PTPN14: variants seen among roughly 807,000 people sequenced by gnomAD.
PTPN14 encodes the protein tyrosine-protein phosphatase non-receptor type 14.
PTPN14 carries 53 observed loss-of-function variants against 126.8 expected under a neutral mutation model. The observed-to-expected ratio is 0.42, with a 90% CI of 0.34 to 0.53. The LOEUF is 0.53. PTPN14 is among the 20% of genes least tolerant of loss of function. The pLI is 0.08. For missense variants in PTPN14, 1,257 were observed against 1,552.9 expected, an observed-to-expected ratio of 0.81 and a Z score of 3.20; for synonymous variants, 630 against 599.3, an observed-to-expected ratio of 1.05 and a Z score of -0.75.
In PTPN14 at chr1:214,411,702, C is replaced by T; in HGVS notation, c.492G>A (p.Glu164=). 1 of 1,509,612 alleles carries T rather than the reference C, an allele frequency of 6.6e-7. No homozygotes were observed. The highest frequency in any genetic ancestry group is 9.1e-7 in the Non-Finnish European group (1 of 1,094,364). The allele number at this position is 1,509,612 out of a possible 1,614,324, so 93.5% of individuals were successfully genotyped here. Residue 164 remains glutamate, a synonymous_variant, in exon 5 of 19, where the codon GAG becomes GAA. Coordinates refer to ENST00000366956, the MANE Select transcript of PTPN14 (RefSeq NM_005401.5). ...NQFDSQDFLR[E]YVLFPMDLAL... ...CACTTACCATAGGAAATAGCACATA[C>T]TCTCTGAGGAAATCTTGAGAATCAA...
chr1:214,430,097 AT>A (rs1659765089), intron 3 of PTPN14, among the ~76,000 whole-genome samples: 1 of 152,176 alleles, frequency 6.6e-6, no homozygotes, highest in Non-Finnish European at 1.5e-5. Flanking sequence ...CTGTGCTACG[AT>A]TATTTGCTTC....
At chr1:214,404,413 T>C (rs1219751840) in intron 5 of PTPN14, among the ~76,000 whole-genome samples, 1 of 152,216 alleles carries the variant, frequency 6.6e-6, no homozygotes, top group African/African-American at 2.4e-5. Context: ...TTTAGTTTCA[T>C]GTTGTGGAGT....
chr1:214,397,396 G>T (rs140526544), intron 8 of PTPN14, among the ~76,000 whole-genome samples: 1 of 152,120 alleles, frequency 6.6e-6, no homozygotes, highest in Non-Finnish European at 1.5e-5. Flanking sequence ...TGAAATGCAG[G>T]GGGGAGATGG....
chr1:214,472,364 C>T (rs945798488), intron 1 of PTPN14, among the ~76,000 whole-genome samples: 2 of 152,144 alleles, frequency 1.3e-5, no homozygotes, highest in African/African-American at 4.8e-5. Flanking sequence ...CCTTCACCTT[C>T]CACCATGATT....
intron 10 of PTPN14, among the ~76,000 whole-genome samples, chr1:214,392,408 A>G (rs1193774156): frequency 6.6e-6 from 1 of 152,124 alleles, no homozygotes; most frequent in African/African-American, 2.4e-5. Flanking sequence ...GAAAATAAAC[A>G]CTCCGTAAAT....
Position 214,448,391 on chromosome 1 carries a change from G to A in PTPN14, c.344+3414C>T, listed in dbSNP as rs543502620. ...GACTACAGGTGCCCCCAACCAAGCC[G>A]GGCTAATTTTTTTTTTTTTTTTTTG... On this transcript the variant is annotated intron_variant, in intron 3 of 18. Transcript: ENST00000366956. 2.4e-5 allele frequency among the ~76,000 whole-genome samples: 3 copies of A among 124,834 alleles called. No homozygotes were observed. In the East Asian group the frequency reaches 7.4e-4, roughly 31 times the overall value. 81.9% of individuals were successfully genotyped at this position (124,834 alleles called of 152,430 possible). A position where few individuals can be genotyped will look rare whatever the true frequency, so the allele number is the denominator to read the frequency against.
chr1:214,453,188 T>C (rs984469476), intron 2 of PTPN14, among the ~76,000 whole-genome samples: 2 of 152,246 alleles, frequency 1.3e-5, no homozygotes, highest in African/African-American at 4.8e-5. Context: ...ATCAGAAATC[T>C]ATGCATTTCT....
At chr1:214,394,324 T>C (rs1283980057) in intron 9 of PTPN14, among the ~76,000 whole-genome samples, 1 of 152,192 alleles carries the variant, frequency 6.6e-6, no homozygotes, top group Admixed American at 6.5e-5. Flanking sequence ...CACCAGACAA[T>C]GTGATCCATC....
intron 2 of PTPN14, among the ~76,000 whole-genome samples, chr1:214,458,038 T>G (rs1218525374): frequency 0.012 from 1,697 of 146,192 alleles, 33 homozygotes; most frequent in African/African-American, 0.042. Context: ...TATCTATACC[T>G]AGAGAGAGAG....
At chr1:214,393,832 T>C (rs928718468) in intron 9 of PTPN14, 55 bp from the exon 10 acceptor site, 2 of 1,384,848 alleles carry the variant, frequency 1.4e-6, no homozygotes, top group African/African-American at 2.9e-5. Flanking sequence ...TAGTTATACA[T>C]TTCATTAAGA....
At position 214,403,886 on chromosome 1, in the gene PTPN14, A is replaced by G. The variant is rs562143248; in HGVS notation, c.511-933T>C. ...CAGCAGGTCCCACATATTCCAGGCTAGTAAGCACCAAGAGGGTCACAGATG... is the reference window on the plus strand; with the variant it reads ...CAGCAGGTCCCACATATTCCAGGCTGGTAAGCACCAAGAGGGTCACAGATG... On this transcript the variant is annotated intron_variant, in intron 5 of 18. Coordinates refer to ENST00000366956, the MANE Select transcript of PTPN14 (RefSeq NM_005401.5). 2.6e-5 allele frequency among the ~76,000 whole-genome samples: 4 copies of G among 152,306 alleles called. No homozygotes were observed. In the South Asian group the frequency reaches 8.3e-4, roughly 32 times the overall value.
At chr1:214,475,873 T>C (rs1218202807) in intron 1 of PTPN14, among the ~76,000 whole-genome samples, 1 of 152,150 alleles carries the variant, frequency 6.6e-6, no homozygotes, top group African/African-American at 2.4e-5. Flanking sequence ...CAGAGCTCCA[T>C]CTGAACCCAT....
At chr1:214,403,011 T>G (rs55788513) in intron 5 of PTPN14, 58 bp from the exon 6 acceptor site, 95 of 1,552,184 alleles carry the variant, frequency 6.1e-5, no homozygotes, top group Admixed American at 8.4e-5. Context: ...GCTATTTTGC[T>G]TGCAAATCTT....
intron 1 of PTPN14, chr1:214,532,706 C>T: frequency 1.3e-6 from 1 of 794,496 alleles, no homozygotes. Flanking sequence ...TCTCAGGCGC[C>T]AGTCTGTGGA....
intron 2 of PTPN14, among the ~76,000 whole-genome samples, chr1:214,461,920 G>A (rs909919490): frequency 2.0e-5 from 3 of 152,178 alleles, no homozygotes; most frequent in African/African-American, 7.2e-5. Flanking sequence ...TTCAAGGTAT[G>A]AGGAGCAGAC....
intron 1 of PTPN14, among the ~76,000 whole-genome samples, chr1:214,513,507 T>A (rs1655026509): frequency 6.6e-6 from 1 of 152,130 alleles, no homozygotes; most frequent in African/African-American, 2.4e-5. Context: ...ATCTAGGACT[T>A]AACTGACTAC....
At chr1:214,413,816 G>A (rs1659363123) in intron 4 of PTPN14, among the ~76,000 whole-genome samples, 1 of 152,094 alleles carries the variant, frequency 6.6e-6, no homozygotes, top group Non-Finnish European at 1.5e-5. Context: ...TTACAGGCGT[G>A]TGCCACCATG....
intron 1 of PTPN14, among the ~76,000 whole-genome samples, chr1:214,527,787 C>A (rs767135671): frequency 4.6e-5 from 7 of 152,178 alleles, no homozygotes; most frequent in Non-Finnish European, 1.0e-4. Context: ...GTAAGCTGAA[C>A]TTGCAGCCTA....
chr1:214,480,167 CA>C (rs1455363622), intron 1 of PTPN14, among the ~76,000 whole-genome samples: 2 of 152,156 alleles, frequency 1.3e-5, no homozygotes, highest in African/African-American at 4.8e-5. Flanking sequence ...ATAGATTCTT[CA>C]AGACTGTTAT....
Sources: allele counts gnomAD v4.1 joint callset (sites outside exome capture counted in the v4.1 genomes callset), GRCh38; gene constraint gnomAD v4.1.1; transcripts MANE v1.5; gene names NCBI Gene and HGNC (gene_info 2026-07-23, HGNC 2026-07-21).